Variants in CEP192 observed in about 807,000 individuals in gnomAD.
CEP192 encodes centrosomal protein 192.
Under a neutral mutation model 271.8 loss-of-function variants are expected in CEP192, and 151 were observed. That is an observed-to-expected ratio of 0.56 (90% confidence interval 0.49 to 0.64). The LOEUF (loss-of-function observed/expected upper bound fraction) is 0.64. CEP192 is among the 30% of genes least tolerant of loss of function. The pLI, the probability that CEP192 is intolerant of heterozygous loss-of-function variation, is 0.00. For synonymous variants in CEP192, 995 were observed against 1,076.5 expected (o/e 0.92, Z 1.48); for missense variants, 2,910 against 3,020.5 (o/e 0.96, Z 0.86).
At chr18:13,013,319 G>A (rs2034466690) in intron 5 of CEP192, among the ~76,000 whole-genome samples, 1 of 152,096 alleles carries the variant, frequency 6.6e-6, no homozygotes, top group South Asian at 2.1e-4. Context: ...CTCCATGAGG[G>A]CAAGCATTTC....
intron 30 of CEP192, among the ~76,000 whole-genome samples, chr18:13,084,766 C>G (rs2144662839): frequency 6.6e-6 from 1 of 152,082 alleles, no homozygotes; most frequent in East Asian, 1.9e-4. Flanking sequence ...AACGGAGTCT[C>G]TAATGATCGC....
intron 15 of CEP192, among the ~76,000 whole-genome samples, chr18:13,044,603 G>A (rs1164877289): frequency 6.6e-6 from 1 of 152,118 alleles, no homozygotes; most frequent in Non-Finnish European, 1.5e-5. Context: ...GATGAATTTT[G>A]TCAAATGATT....
intron 34 of CEP192, among the ~76,000 whole-genome samples, chr18:13,095,022 T>C (rs1180915213): frequency 6.6e-6 from 1 of 152,174 alleles, no homozygotes; most frequent in Non-Finnish European, 1.5e-5. Context: ...CACCCACCCC[T>C]GTCACCCCTA....
rs2036625380 is a variant in CEP192, at chr18:13,048,965, C to A, written c.2174C>A (p.Ala725Glu). The part of the protein sequence containing the change: ...ISTIASAIAE[A>E]SVNTDPSQLA... ...ACCATTGCTTCAGCCATTGCAGAGGCATCAGTTAATACTGATCCTTCCCAA... is the reference window on the plus strand; with the variant it reads ...ACCATTGCTTCAGCCATTGCAGAGGAATCAGTTAATACTGATCCTTCCCAA... The change falls in exon 16 of 45, where the codon GCA (alanine) becomes GAA (glutamate). Residue 725 changes from alanine to glutamate, a missense_variant. Transcript: ENST00000506447. 1 of 1,612,788 alleles carries A rather than the reference C, an allele frequency of 6.2e-7. No homozygotes were observed. The highest frequency in any genetic ancestry group is 1.3e-5 in the African/African-American group (1 of 74,868).
chr18:13,122,912 T>A (rs2040739689), intron 44 of CEP192, among the ~76,000 whole-genome samples: 1 of 152,346 alleles, frequency 6.6e-6, no homozygotes, highest in East Asian at 1.9e-4. Context: ...TTTTAAAATA[T>A]ATCCATCTTG....
chr18:13,018,740 G>A, intron 8 of CEP192, 125 bp downstream of exon 8: 1 of 678,754 alleles, frequency 1.5e-6, no homozygotes, highest in Non-Finnish European at 2.3e-6. Flanking sequence ...CAGGTCTTTA[G>A]ACAGTCTAAA....
At chr18:13,078,341 A>C (rs1486742191) in intron 30 of CEP192, among the ~76,000 whole-genome samples, 1 of 152,156 alleles carries the variant, frequency 6.6e-6, no homozygotes, top group Non-Finnish European at 1.5e-5. Flanking sequence ...ATTGATGGGC[A>C]TTTGGATTGG....
Position 13,001,536 on chromosome 18 carries a change from G to A in CEP192, c.244G>A (p.Asp82Asn), listed in dbSNP as rs1434975996. 1.3e-6 allele frequency: 2 copies of A among 1,551,080 alleles called. No individual in the cohort carries two copies. Among genetic ancestry groups the A allele is most frequent in the Non-Finnish European group, 1.7e-6 (2 of 1,146,786 alleles). Residue 82 changes from aspartate (D) to asparagine (N), a missense_variant, in exon 3 of 45, where the codon GAT (aspartate) becomes AAT (asparagine). Asp to Asn is a conservative substitution (Grantham distance 23, BLOSUM62 1). Transcript: ENST00000506447. ...CGGGTCATCTCCCGGAAGCCAGAGTGATGCTGAACCAAGAGAGAGGTTACA... is the reference window on the plus strand; with the variant it reads ...CGGGTCATCTCCCGGAAGCCAGAGTAATGCTGAACCAAGAGAGAGGTTACA... ...PSGSSPGSQS[D>N]AEPRERLQLS...
At chr18:13,101,293 C>T (rs1190809333) in intron 38 of CEP192, among the ~76,000 whole-genome samples, 1 of 152,128 alleles carries the variant, frequency 6.6e-6, no homozygotes, top group Non-Finnish European at 1.5e-5. Context: ...ACTGTGGGCT[C>T]AGGTAGGTGT....
intron 36 of CEP192, 131 bp downstream of exon 36, chr18:13,096,438 G>A (rs1308960920): frequency 8.8e-6 from 10 of 1,135,946 alleles, no homozygotes; most frequent in Admixed American, 2.7e-5. Context: ...CACAAAGCAT[G>A]TGCATGGTTC....
intron 3 of CEP192, among the ~76,000 whole-genome samples, chr18:13,004,698 A>G (rs1471225279): frequency 2.0e-5 from 3 of 152,194 alleles, no homozygotes; most frequent in Non-Finnish European, 4.4e-5. Flanking sequence ...AGGAAAATGA[A>G]TGGACAGAGT....
intron 4 of CEP192, among the ~76,000 whole-genome samples, chr18:13,011,360 A>G (rs2034348587): frequency 6.6e-6 from 1 of 152,192 alleles, no homozygotes; most frequent in African/African-American, 2.4e-5. Context: ...AAATCCTCAT[A>G]CATTATTGGT....
chr18:13,113,026 G>A (rs1478473055), intron 40 of CEP192, among the ~76,000 whole-genome samples: 2 of 152,236 alleles, frequency 1.3e-5, no homozygotes, highest in East Asian at 3.8e-4. Context: ...CACATGCAGG[G>A]TGTTTATCAC....
At chr18:13,096,947 C>T (rs1192137887) in intron 36 of CEP192, among the ~76,000 whole-genome samples, 3 of 152,212 alleles carry the variant, frequency 2.0e-5, no homozygotes, top group Admixed American at 6.5e-5. Context: ...CTGGCCAGCA[C>T]ATGACTCCCA....
At position 13,056,468 on chromosome 18, in the gene CEP192, G is replaced by A. The variant is rs756481037; in HGVS notation, c.3878G>A (p.Gly1293Asp). Residue 1293 changes from glycine to aspartate, a missense_variant, in exon 19 of 45, where the codon GGC (glycine) becomes GAC (aspartate). Gly to Asp is a moderately conservative substitution (Grantham distance 94). Coordinates refer to ENST00000506447, the MANE Select transcript of CEP192 (RefSeq NM_032142.4). Reference sequence around the variant, plus strand: ...GCCACAGTCTGTGGCTTCTCAGGAGGCCTTCCCTATCCAGCTGTTGCAGGA... The same window carrying A: ...GCCACAGTCTGTGGCTTCTCAGGAGACCTTCCCTATCCAGCTGTTGCAGGA... Reference protein sequence around the residue: ...GNATVCGFSGGLPYPAVAGEP... With the variant: ...GNATVCGFSGDLPYPAVAGEP... 10 of 1,614,102 alleles carry A rather than the reference G, an allele frequency of 6.2e-6. No individual in the cohort carries two copies. In the Admixed American group the frequency reaches 8.3e-5, roughly 13 times the overall value.
rs1293354370 is a variant in CEP192 at position 13,057,639 on chromosome 18, T to C, written c.4163T>C (p.Ile1388Thr). Residue 1388 changes from isoleucine to threonine, a missense_variant, in exon 20 of 45, where the codon ATC becomes ACC. By Grantham distance (89) the Ile-to-Thr change is moderately conservative. Coordinates refer to ENST00000506447, the MANE Select transcript of CEP192 (RefSeq NM_032142.4). ...CTTCCTCATGCTTGCTGTGTCGGGA[T>C]CGCTTCCCAGACCCTCCTCAGTGTG... The part of the protein sequence containing the change: ...LKLPHACCVG[I>T]ASQTLLSVLN... 3.1e-6 allele frequency: 5 copies of C among 1,614,192 alleles called. No homozygotes were observed. The Admixed American group carries it at 8.3e-5, about 27-fold the overall frequency.
At chr18:13,093,479 G>T (rs1264437143) in intron 34 of CEP192, among the ~76,000 whole-genome samples, 2 of 152,174 alleles carry the variant, frequency 1.3e-5, no homozygotes, top group African/African-American at 4.8e-5. Flanking sequence ...GATACAGAAG[G>T]TTCAATTATT....
In CEP192 at chr18:13,011,477, C is replaced by T. The variant is rs149267147; in HGVS notation, c.467-1496C>T. On this transcript the variant is annotated intron_variant, in intron 4 of 44. Coordinates refer to ENST00000506447, the MANE Select transcript of CEP192 (RefSeq NM_032142.4). ...CCGCATTTGCACTCCTAGGTATATA[C>T]CCAAGAGAAAGGAAACCATATGTCC... Among the ~76,000 whole-genome samples, 305 of 151,928 alleles carry T rather than the reference C, an allele frequency of 2.0e-3. 1 individual carries two copies. Among genetic ancestry groups the T allele is most frequent in the Non-Finnish European group, 6.3e-4 (43 of 67,982 alleles).
At chr18:13,027,856 G>A (rs898800432) in intron 9 of CEP192, among the ~76,000 whole-genome samples, 2 of 151,296 alleles carry the variant, frequency 1.3e-5, no homozygotes, top group African/African-American at 4.9e-5. Flanking sequence ...TTTCTATTGG[G>A]GTATTTGTAT....
Sources: gnomAD v4.1 joint callset for allele counts (sites outside exome capture counted in the v4.1 genomes callset) on GRCh38, gnomAD v4.1.1 for gene constraint, MANE v1.5 for transcripts, NCBI Gene and HGNC (gene_info 2026-07-23, HGNC 2026-07-21) for gene names.